Variants in DSCAM observed in about 807,000 individuals in gnomAD.
DSCAM encodes the protein DS cell adhesion molecule, also known as cell adhesion molecule DSCAM.
Under a neutral mutation model 217.7 loss-of-function variants are expected in DSCAM, and 47 were observed. The ratio of observed to expected loss-of-function variants is 0.22; its 90% CI spans 0.17 to 0.28. DSCAM has a LOEUF of 0.28. DSCAM is among the 10% of genes least tolerant of loss of function. The probability of loss-of-function intolerance (pLI) is 1.00; values close to 1 mark genes in which losing one functional copy is unlikely to be tolerated. For missense variants in DSCAM, 2,080 were observed against 2,618.3 expected (o/e 0.79, Z 4.49); for synonymous variants, 1,056 against 1,015.3 (o/e 1.04, Z -0.76).
intron 24 of DSCAM, among the ~76,000 whole-genome samples, chr21:40,081,962 T>C (rs2089468581): frequency 6.6e-6 from 1 of 152,220 alleles, no homozygotes; most frequent in Admixed American, 6.5e-5. Flanking sequence ...TCATTTCATT[T>C]GAGCCTAAAA....
At chr21:40,236,422 T>C (rs950004708) in intron 11 of DSCAM, among the ~76,000 whole-genome samples, 2 of 152,174 alleles carry the variant, frequency 1.3e-5, no homozygotes, top group Admixed American at 1.3e-4. Context: ...GGATGTGGGC[T>C]AGTTTATCCT....
chr21:40,583,377 A>G (rs1452444527), intron 3 of DSCAM, among the ~76,000 whole-genome samples: 2 of 152,088 alleles, frequency 1.3e-5, no homozygotes, highest in Non-Finnish European at 1.5e-5. Flanking sequence ...GTGGTATATC[A>G]ACTTTCGGAA....
intron 3 of DSCAM, among the ~76,000 whole-genome samples, chr21:40,680,902 C>T (rs1168069532): frequency 6.6e-6 from 1 of 152,056 alleles, no homozygotes; most frequent in Non-Finnish European, 1.5e-5. Context: ...ACTACACACA[C>T]TGAAATATTC....
chr21:40,682,646 A>G, intron 3 of DSCAM, among the ~76,000 whole-genome samples: 1 of 57,468 alleles, frequency 1.7e-5, no homozygotes, highest in Non-Finnish European at 3.7e-5. Context: ...AGAAAGAGGA[A>G]GGGAAGGGAA....
At chr21:40,450,100 TAGAA>T (rs1403390464) in intron 3 of DSCAM, among the ~76,000 whole-genome samples, 2 of 152,166 alleles carry the variant, frequency 1.3e-5, no homozygotes, top group Non-Finnish European at 2.9e-5. Context: ...TGAAAAGTCT[TAGAA>T]AGCTATACAG....
At chr21:40,629,503 G>A (rs1341904919) in intron 3 of DSCAM, 4 of 152,210 alleles carry the variant, frequency 2.6e-5, no homozygotes, top group Non-Finnish European at 5.9e-5. Flanking sequence ...AAGAGGAGAA[G>A]TGAGGAAGGA....
At chr21:40,355,726 C>A (rs2074684666) in intron 4 of DSCAM, among the ~76,000 whole-genome samples, 2 of 152,202 alleles carry the variant, frequency 1.3e-5, no homozygotes, top group South Asian at 4.1e-4. Flanking sequence ...TGCCATGACT[C>A]TTTTGATCTA....
At chr21:40,105,034 T>C (rs1236577573) in intron 20 of DSCAM, among the ~76,000 whole-genome samples, 1 of 152,168 alleles carries the variant, frequency 6.6e-6, no homozygotes, top group East Asian at 1.9e-4. Context: ...AGGCAGGCAG[T>C]CTTATGAGAC....
intron 32 of DSCAM, among the ~76,000 whole-genome samples, chr21:40,014,575 A>C (rs1372890076): frequency 6.6e-6 from 1 of 152,160 alleles, no homozygotes; most frequent in Non-Finnish European, 1.5e-5. Flanking sequence ...TCCTTTGCTC[A>C]GGGATACCCC....
At chr21:40,432,140 T>C (rs2075539214) in intron 3 of DSCAM, among the ~76,000 whole-genome samples, 1 of 152,080 alleles carries the variant, frequency 6.6e-6, no homozygotes, top group African/African-American at 2.4e-5. Flanking sequence ...GAGGTTGCAG[T>C]GAGCCGAGAT....
chr21:40,578,009 G>T lies in DSCAM; in HGVS notation c.508+114801C>A, dbSNP rs2076868638. On this transcript the variant is annotated intron_variant, in intron 3 of 32. Coordinates refer to ENST00000400454, the MANE Select transcript of DSCAM (RefSeq NM_001389.5). The stretch of plus-strand genomic sequence containing the variant: ...AGTCTATCTGGCTCTCTTAGCTAAG[G>T]GAGAATCAATTCAGGTGGAAACAAG... 2.0e-5 allele frequency among the ~76,000 whole-genome samples: 3 copies of T among 152,256 alleles called. No homozygotes were observed. The South Asian group carries it at 6.2e-4, about 32-fold the overall frequency.
intron 3 of DSCAM, among the ~76,000 whole-genome samples, chr21:40,686,215 A>ACACACACACACACCCTC (rs2090473693): frequency 3.4e-5 from 1 of 28,998 alleles, no homozygotes; most frequent in Non-Finnish European, 1.1e-4. Flanking sequence ...CTCCACACAC[A>ACACACACACACACCCTC]CACACACACA....
At chr21:40,064,168 T>C (rs1017103285) in intron 27 of DSCAM, among the ~76,000 whole-genome samples, 5 of 137,662 alleles carry the variant, frequency 3.6e-5, no homozygotes, top group African/African-American at 1.4e-4. Flanking sequence ...TATATATATA[T>C]ACATACACAC....
At position 40,187,349 on chromosome 21, in the gene DSCAM, A is replaced by G. The variant is rs933360619; in HGVS notation, c.2651-90T>C. 28 of 1,489,814 alleles carry G rather than the reference A, an allele frequency of 1.9e-5. No homozygotes were observed. In the African/African-American group the frequency reaches 3.6e-4, roughly 19 times the overall value. The allele number at this position is 1,489,814 out of a possible 1,614,324, so 92.3% of individuals were successfully genotyped here. A position where few individuals can be genotyped will look rare whatever the true frequency, so the allele number is the denominator to read the frequency against. The stretch of plus-strand genomic sequence containing the variant: ...AAATGCTGAGCGTGACTCACAAACG[A>G]TTTGTCTGCATTAGACAAGAACAGA... On this transcript the variant is annotated intron_variant, in intron 13 of 32. Transcript: ENST00000400454.
chr21:40,079,021 G>A, intron 25 of DSCAM, 44 bp from the exon 26 acceptor site: 1 of 1,589,400 alleles, frequency 6.3e-7, no homozygotes, highest in Non-Finnish European at 8.6e-7. Flanking sequence ...GGACACATGG[G>A]GAGGCCATCA....
intron 3 of DSCAM, among the ~76,000 whole-genome samples, chr21:40,401,646 G>A (rs144672574): frequency 6.6e-6 from 1 of 152,192 alleles, no homozygotes; most frequent in South Asian, 2.1e-4. Context: ...GAGGACTGTT[G>A]CACTTTGGCA....
At chr21:40,843,359 A>AATGC (rs1164127508) in intron 1 of DSCAM, among the ~76,000 whole-genome samples, 1 of 134,768 alleles carries the variant, frequency 7.4e-6, no homozygotes, top group Admixed American at 7.7e-5. Context: ...TGATGTCAGG[A>AATGC]ATGCATGCAT....
At chr21:40,564,358 C>T (rs1457956826) in intron 3 of DSCAM, among the ~76,000 whole-genome samples, 2 of 152,114 alleles carry the variant, frequency 1.3e-5, no homozygotes, top group Admixed American at 6.5e-5. Flanking sequence ...AAGTTCTTCA[C>T]GGATGCCAGT....
chr21:40,531,734 C>T (rs1400157778), intron 3 of DSCAM, among the ~76,000 whole-genome samples: 1 of 152,224 alleles, frequency 6.6e-6, no homozygotes, highest in Admixed American at 6.5e-5. Context: ...CATCAAAACA[C>T]AAATCTTGTC....
Sources: allele counts gnomAD v4.1 joint callset (sites outside exome capture counted in the v4.1 genomes callset), GRCh38; gene constraint gnomAD v4.1.1; transcripts MANE v1.5; gene names NCBI Gene and HGNC (gene_info 2026-07-23, HGNC 2026-07-21).